Variants in SPECC1 observed in about 807,000 individuals in gnomAD.
The protein encoded by SPECC1 is cytospin-B.
SPECC1 carries 62 observed loss-of-function variants against 104.1 expected under a neutral mutation model. The observed-to-expected ratio is 0.60, with a 90% CI of 0.49 to 0.74. The LOEUF (loss-of-function observed/expected upper bound fraction) is 0.74, where lower values mean the gene tolerates loss of function less well. Ranked by LOEUF, SPECC1 falls within the 30% of genes least tolerant of loss-of-function variation. The pLI, the probability that SPECC1 is intolerant of heterozygous loss-of-function variation, is 0.00. For missense variants in SPECC1, 1,306 were observed against 1,310.5 expected (o/e 1.00, Z 0.05); for synonymous variants, 513 against 501.6 (o/e 1.02, Z -0.30).
chr17:20,247,101 T>C (rs1239446666), intron 8 of SPECC1, 118 bp from the exon 9 acceptor site: 1 of 686,622 alleles, frequency 1.5e-6, no homozygotes, highest in Admixed American at 3.0e-5. Context: ...AGAGTAAATA[T>C]TACACTAAAC....
chr17:20,066,505 G>C (rs2046362460), intron 1 of SPECC1, among the ~76,000 whole-genome samples: 1 of 152,152 alleles, frequency 6.6e-6, no homozygotes, highest in South Asian at 2.1e-4. Context: ...TGGCTACCCT[G>C]ATACTTCCCG....
At chr17:20,266,501 G>A (rs1236741140) in intron 12 of SPECC1, among the ~76,000 whole-genome samples, 7 of 152,308 alleles carry the variant, frequency 4.6e-5, no homozygotes, top group South Asian at 2.1e-4. Context: ...GGGGAATGGC[G>A]TGAACCCGGG....
At chr17:20,014,084 C>G (rs770241631) in intron 1 of SPECC1, among the ~76,000 whole-genome samples, 1 of 152,068 alleles carries the variant, frequency 6.6e-6, no homozygotes, top group African/African-American at 2.4e-5. Context: ...TTATTTACCC[C>G]AGAAGTATAT....
chr17:20,181,963 T>G (rs2034923368), intron 3 of SPECC1, among the ~76,000 whole-genome samples: 1 of 152,170 alleles, frequency 6.6e-6, no homozygotes, highest in Non-Finnish European at 1.5e-5. Context: ...AAGAGACTAA[T>G]TCTCCCCAGA....
chr17:20,054,389 T>C (rs971648238), intron 1 of SPECC1, among the ~76,000 whole-genome samples: 1 of 152,210 alleles, frequency 6.6e-6, no homozygotes, highest in Non-Finnish European at 1.5e-5. Flanking sequence ...GCTTTTCTTC[T>C]TTCTGTGATT....
chr17:20,059,076 G>A (rs961589959), intron 1 of SPECC1, among the ~76,000 whole-genome samples: 9 of 151,696 alleles, frequency 5.9e-5, no homozygotes, highest in East Asian at 1.9e-4. Context: ...TCCTGACCTC[G>A]TGATCCGCCT....
chr17:20,208,149 T>C (rs1054083774), intron 4 of SPECC1, among the ~76,000 whole-genome samples: 8 of 152,262 alleles, frequency 5.3e-5, no homozygotes, highest in Admixed American at 4.6e-4. Flanking sequence ...CAAACTGTTA[T>C]TATTCATGTA....
intron 3 of SPECC1, among the ~76,000 whole-genome samples, chr17:20,161,577 C>T (rs191324010): frequency 7.9e-5 from 12 of 152,264 alleles, no homozygotes; most frequent in Non-Finnish European, 1.3e-4. Flanking sequence ...ACAGTGGCAT[C>T]TTACATTGCA....
intron 3 of SPECC1, among the ~76,000 whole-genome samples, chr17:20,175,190 C>G (rs2034386337): frequency 6.6e-6 from 1 of 152,170 alleles, no homozygotes; most frequent in Non-Finnish European, 1.5e-5. Context: ...TGTAGTCATG[C>G]CAAAGCTCCT....
At chr17:20,267,868 A>T (rs1598111824) in intron 12 of SPECC1, among the ~76,000 whole-genome samples, 1 of 151,994 alleles carries the variant, frequency 6.6e-6, no homozygotes. Flanking sequence ...AGGGACGCTC[A>T]GTTTGCTTTG....
intron 4 of SPECC1, among the ~76,000 whole-genome samples, chr17:20,216,661 T>C (rs1955567314): frequency 6.6e-6 from 1 of 152,134 alleles, no homozygotes; most frequent in Non-Finnish European, 1.5e-5. Context: ...GGAGTGGCTT[T>C]CTCTGTCCTC....
chr17:20,171,245 C>T (rs2034067032), intron 3 of SPECC1, among the ~76,000 whole-genome samples: 1 of 152,134 alleles, frequency 6.6e-6, no homozygotes, highest in Admixed American at 6.5e-5. Flanking sequence ...GTATGTGGCT[C>T]TGAGTGCTTT....
chr17:20,017,928 G>GTGATT (rs1325063330), intron 1 of SPECC1: 1 of 149,608 alleles, frequency 6.7e-6, no homozygotes, highest in Non-Finnish European at 1.5e-5. Context: ...TAAAAACTTG[G>GTGATT]TGATTCTTTA....
At chr17:20,092,459 A>G (rs1260179548) in intron 1 of SPECC1, among the ~76,000 whole-genome samples, 4 of 152,100 alleles carry the variant, frequency 2.6e-5, no homozygotes, top group African/African-American at 7.2e-5. Context: ...GCCCTGGGCA[A>G]TTTTAATTGC....
At chr17:20,029,577 T>C (rs2044728436) in intron 1 of SPECC1, among the ~76,000 whole-genome samples, 1 of 152,212 alleles carries the variant, frequency 6.6e-6, no homozygotes. Context: ...GATAGTTTCT[T>C]GGTTGTCAAT....
intron 1 of SPECC1, among the ~76,000 whole-genome samples, chr17:20,077,509 C>T (rs962927690): frequency 1.3e-5 from 2 of 151,802 alleles, no homozygotes; most frequent in Non-Finnish European, 1.5e-5. Flanking sequence ...CTCTGTGGCC[C>T]AGGCTGAAGT....
In SPECC1 at chr17:20,247,294, C is replaced by T. The variant is rs761298031; in HGVS notation, c.2573C>T (p.Pro858Leu). 1.2e-6 allele frequency: 2 copies of T among 1,613,554 alleles called. No homozygotes were observed. Among genetic ancestry groups the T allele is most frequent in the South Asian group, 1.1e-5 (1 of 90,934 alleles). ...AGTGGGATACCAGTGAGGACTGCTC[C>T]AGCAGCTGCTGTCTCTCCAATGCAG... ...PLSGIPVRTA[P>L]AAAVSPMQRH... The change falls in exon 9 of 15, where the codon CCA becomes CTA. Residue 858 changes from proline (P) to leucine (L), a missense_variant. Pro to Leu is a moderately conservative substitution (Grantham distance 98). Around this residue, in one of 2 missense-constraint regions of SPECC1, gnomAD observed 1,177 missense variants for 1,139.9 expected, o/e 1.03. Coordinates refer to ENST00000395527, the MANE Select transcript of SPECC1 (RefSeq NM_001243439.2).
intron 1 of SPECC1, among the ~76,000 whole-genome samples, chr17:20,037,154 C>G (rs572650371): frequency 1.0e-3 from 154 of 152,164 alleles, no homozygotes; most frequent in African/African-American, 3.5e-3. Context: ...GGAATAAGTC[C>G]CACTTGATCA....
intron 3 of SPECC1, among the ~76,000 whole-genome samples, chr17:20,160,225 G>A (rs1001546506): frequency 3.3e-5 from 5 of 152,218 alleles, no homozygotes; most frequent in African/African-American, 7.2e-5. Context: ...GCCTCATGTC[G>A]CATCTGGTGT....
Sources: gnomAD v4.1 joint callset for allele counts (sites outside exome capture counted in the v4.1 genomes callset) on GRCh38, gnomAD v4.1.1 for gene constraint, gnomAD v4.1.1 regional missense constraint, MANE v1.5 for transcripts, NCBI Gene and HGNC (gene_info 2026-07-23, HGNC 2026-07-21) for gene names.